GAS7: variants seen among roughly 807,000 people sequenced by gnomAD.
GAS7 encodes growth arrest specific 7.
A neutral mutation model predicts 71.1 loss-of-function variants in GAS7; 28 were observed. The observed-to-expected ratio is 0.39, with a 90% CI of 0.29 to 0.54. The LOEUF (loss-of-function observed/expected upper bound fraction) is 0.54. Among genes scored for constraint, GAS7 ranks in the 20% least tolerant of loss-of-function variants. The pLI is 0.62. For missense variants in GAS7, 436 were observed against 627.8 expected (o/e 0.69, Z 3.27); for synonymous variants, 258 against 245.8 (o/e 1.05, Z -0.46).
intron 9 of GAS7, among the ~76,000 whole-genome samples, chr17:9,933,476 C>T (rs1567790736): frequency 6.6e-6 from 1 of 152,100 alleles, no homozygotes; most frequent in Non-Finnish European, 1.5e-5. Flanking sequence ...ATTCTGTTTG[C>T]TGGTTGTTAA....
At chr17:9,963,685 T>C (rs759726601) in intron 4 of GAS7, among the ~76,000 whole-genome samples, 9 of 152,110 alleles carry the variant, frequency 5.9e-5, no homozygotes, top group Non-Finnish European at 1.0e-4. Flanking sequence ...CGAGCTATAA[T>C]GGTGTCACTG....
chr17:9,925,634 A>G (rs754566932), intron 10 of GAS7, 35 bp from the exon 11 acceptor site: 5 of 1,613,344 alleles, frequency 3.1e-6, no homozygotes, highest in Non-Finnish European at 4.2e-6. Flanking sequence ...CTGCTCATAC[A>G]GCTCGGAGCC....
At chr17:10,044,299 G>A (rs2072915568) in intron 1 of GAS7, among the ~76,000 whole-genome samples, 1 of 152,204 alleles carries the variant, frequency 6.6e-6, no homozygotes. Flanking sequence ...ATCCAGGGCT[G>A]ATCAGCATCA....
intron 1 of GAS7, among the ~76,000 whole-genome samples, chr17:10,132,730 T>A (rs1258942862): frequency 1.3e-5 from 2 of 151,670 alleles, no homozygotes; most frequent in African/African-American, 4.8e-5. Flanking sequence ...ATTGTACCAG[T>A]CTGGGCGACA....
In GAS7 at chr17:10,183,470, G is replaced by T. The variant is rs192985200; in HGVS notation, c.183+14738C>A. 7.9e-4 allele frequency among the ~76,000 whole-genome samples: 120 copies of T among 152,308 alleles called. 1 individual carries two copies. Among genetic ancestry groups the T allele is most frequent in the African/African-American group, 1.9e-3 (80 of 41,564 alleles). The stretch of plus-strand genomic sequence containing the variant: ...CAGGAAGGTAAACTGCACTTACAGA[G>T]TGTGTGTGTACAAAGTGCCAAAGCT... On this transcript the variant is annotated intron_variant, in intron 1 of 13. Transcript: ENST00000432992.
intron 1 of GAS7, among the ~76,000 whole-genome samples, chr17:10,044,891 G>A (rs1806386): frequency 0.088 from 13,290 of 151,780 alleles, 1,296 homozygotes; most frequent in African/African-American, 0.24. Flanking sequence ...CATCTCTACT[G>A]AAAATACAAA....
intron 2 of GAS7, among the ~76,000 whole-genome samples, chr17:9,985,603 G>A (rs1211179474): frequency 3.9e-5 from 6 of 152,248 alleles, no homozygotes; most frequent in African/African-American, 1.2e-4. Context: ...TAGAGTGGGT[G>A]CTGTAGTGCA....
At chr17:10,163,748 C>T (rs376971195) in intron 1 of GAS7, among the ~76,000 whole-genome samples, 6 of 152,012 alleles carry the variant, frequency 3.9e-5, no homozygotes, top group Admixed American at 2.0e-4. Flanking sequence ...CCCCATGGGG[C>T]GGCTTTACCC....
At chr17:10,094,601 T>G (rs1358410648) in intron 1 of GAS7, among the ~76,000 whole-genome samples, 1 of 152,154 alleles carries the variant, frequency 6.6e-6, no homozygotes, top group Non-Finnish European at 1.5e-5. Context: ...CCCAAGTAGC[T>G]GAGACCACAG....
intron 1 of GAS7, among the ~76,000 whole-genome samples, chr17:10,114,766 A>G (rs2142070134): frequency 6.6e-6 from 1 of 151,876 alleles, no homozygotes; most frequent in African/African-American, 2.4e-5. Flanking sequence ...AGCCACAGAG[A>G]TCGCATTTTT....
intron 1 of GAS7, among the ~76,000 whole-genome samples, chr17:10,063,926 C>T (rs1419233647): frequency 2.0e-5 from 3 of 152,098 alleles, no homozygotes; most frequent in Non-Finnish European, 2.9e-5. Context: ...GCCTCAATGC[C>T]CCTAGTGAGT....
At chr17:10,024,085 T>C (rs1352459863) in intron 1 of GAS7, among the ~76,000 whole-genome samples, 2 of 152,080 alleles carry the variant, frequency 1.3e-5, no homozygotes, top group Non-Finnish European at 2.9e-5. Flanking sequence ...GACTGCGCCA[T>C]TGTACTCCAG....
chr17:10,044,949 G>A (rs998867813), intron 1 of GAS7, among the ~76,000 whole-genome samples: 2 of 151,352 alleles, frequency 1.3e-5, no homozygotes, highest in Non-Finnish European at 2.9e-5. Flanking sequence ...AGCTACTAGG[G>A]AGGCTGAGGC....
intron 2 of GAS7, among the ~76,000 whole-genome samples, chr17:9,983,745 C>T (rs9916521): frequency 0.079 from 12,039 of 151,984 alleles, 1,510 homozygotes; most frequent in African/African-American, 0.27. Flanking sequence ...TGAGACCATG[C>T]CACTGCACTC....
intron 2 of GAS7, among the ~76,000 whole-genome samples, chr17:10,005,079 A>ATGTG (rs1236000314): frequency 4.8e-5 from 6 of 124,988 alleles, no homozygotes; most frequent in African/African-American, 1.6e-4. Flanking sequence ...GCACGCATAC[A>ATGTG]TGCGTGTGTG....
chr17:10,172,129 T>C (rs2074339738), intron 1 of GAS7, among the ~76,000 whole-genome samples: 1 of 152,192 alleles, frequency 6.6e-6, no homozygotes, highest in Non-Finnish European at 1.5e-5. Context: ...TGGATTCTAA[T>C]ATCTGCCTAA....
intron 1 of GAS7, among the ~76,000 whole-genome samples, chr17:10,028,208 A>G: frequency 6.6e-6 from 1 of 151,930 alleles, no homozygotes; most frequent in East Asian, 1.9e-4. Context: ...CGGCCTTAAC[A>G]TTTCTTTTTT....
In GAS7 at chr17:10,035,720, C is replaced by T. The variant is rs989237077; in HGVS notation, c.184-15823G>A. Among the ~76,000 whole-genome samples the T allele has an allele frequency of 5.3e-5, 8 of 152,106 alleles. No homozygotes were observed. In the East Asian group the frequency reaches 9.6e-4, roughly 18 times the overall value. ...CCTTTGCAAAGAAAGAAGATGGATGCGTAACTTCTGGGGGTGGAAAGATTG... is the reference window on the plus strand; with the variant it reads ...CCTTTGCAAAGAAAGAAGATGGATGTGTAACTTCTGGGGGTGGAAAGATTG... On this transcript the variant is annotated intron_variant, in intron 1 of 13. Coordinates refer to ENST00000432992, the MANE Select transcript of GAS7 (RefSeq NM_201433.2).
intron 9 of GAS7, 73 bp downstream of exon 9, chr17:9,934,093 G>C (rs1465541113): frequency 6.0e-6 from 6 of 992,738 alleles, no homozygotes; most frequent in Non-Finnish European, 8.2e-6. Flanking sequence ...GCAAACTGGA[G>C]AGACAGTTGT....
Sources: gnomAD v4.1 joint callset for allele counts (sites outside exome capture counted in the v4.1 genomes callset) on GRCh38, gnomAD v4.1.1 for gene constraint, MANE v1.5 for transcripts, NCBI Gene and HGNC (gene_info 2026-07-23, HGNC 2026-07-21) for gene names.